Variants in TRAM1 observed in about 807,000 individuals in gnomAD.
TRAM1 encodes the protein translocating chain-associated membrane protein 1.
In TRAM1, 17 loss-of-function variants were observed where a neutral mutation model predicts 48.7. That is an observed-to-expected ratio of 0.35 (90% confidence interval 0.24 to 0.52). TRAM1 has a LOEUF of 0.52. Ranked by LOEUF, TRAM1 falls within the 20% of genes least tolerant of loss-of-function variation. TRAM1 has a pLI of 0.94. For missense variants in TRAM1, 351 were observed against 441.5 expected (o/e 0.79, Z 1.84); for synonymous variants, 182 against 154.0 (o/e 1.18, Z -1.34).
Position 70,574,910 on chromosome 8 carries a change from TAATC to T in TRAM1, c.*18_*21del, listed in dbSNP as rs1463420957. The T allele has an allele frequency of 6.7e-7, 1 of 1,502,770 alleles. No homozygotes were observed. The highest frequency in any genetic ancestry group is 9.2e-7 in the Non-Finnish European group (1 of 1,084,534). 93.1% of individuals were successfully genotyped at this position (1,502,770 alleles called of 1,614,324 possible). Reference sequence around the variant, plus strand: ...AGAAAGCAGATTTCTTTGGGGACATTAATCAATTAGTTTATAATTCATTATGAAG... The same window carrying T: ...AGAAAGCAGATTTCTTTGGGGACATTAATTAGTTTATAATTCATTATGAAG... On this transcript the variant is annotated 3_prime_UTR_variant, in exon 11 of 11. Coordinates refer to ENST00000262213, the MANE Select transcript of TRAM1 (RefSeq NM_014294.6).
At chr8:70,586,124 G>A (rs1287536803) in intron 8 of TRAM1, among the ~76,000 whole-genome samples, 1 of 151,686 alleles carries the variant, frequency 6.6e-6, no homozygotes, top group African/African-American at 2.4e-5. Flanking sequence ...TCCTTTGCAG[G>A]GACATGGATG....
rs1345872331 is a variant in TRAM1, at chr8:70,573,264, A to AT, written c.*1667dup. On this transcript the variant is annotated 3_prime_UTR_variant, in exon 11 of 11. Coordinates refer to ENST00000262213, the MANE Select transcript of TRAM1 (RefSeq NM_014294.6). ...CAGATTTATTTGGTTATGACCATCT[A>AT]TCCCCCCAGTAGTCCTCACCAATAT... Among the ~76,000 whole-genome samples, 1 of 152,148 alleles carries AT rather than the reference A, an allele frequency of 6.6e-6. No individual in the cohort carries two copies. Among genetic ancestry groups the AT allele is most frequent in the Non-Finnish European group, 1.5e-5 (1 of 68,026 alleles).
intron 2 of TRAM1, among the ~76,000 whole-genome samples, chr8:70,599,296 C>T (rs1309051522): frequency 6.6e-6 from 1 of 152,058 alleles, no homozygotes; most frequent in African/African-American, 2.4e-5. Context: ...ACAGCAACAA[C>T]AACAAAAAAC....
intron 10 of TRAM1, among the ~76,000 whole-genome samples, chr8:70,579,979 C>G (rs934863078): frequency 2.6e-5 from 4 of 151,996 alleles, no homozygotes; most frequent in Admixed American, 6.6e-5. Context: ...GGCACTACTA[C>G]GTAACAAATA....
intron 8 of TRAM1, among the ~76,000 whole-genome samples, chr8:70,585,328 A>G (rs370120100): frequency 6.6e-6 from 1 of 152,162 alleles, no homozygotes; most frequent in Non-Finnish European, 1.5e-5. Flanking sequence ...AAACCCTAGA[A>G]GAAAACCTAG....
chr8:70,606,957 T>C (rs1817733269), intron 1 of TRAM1: 19 of 981,108 alleles, frequency 1.9e-5, no homozygotes, highest in Admixed American at 6.2e-5. Context: ...AGCACTCCTA[T>C]GTCCCAGGCA....
chr8:70,579,415 T>C (rs1256291687), intron 10 of TRAM1, among the ~76,000 whole-genome samples: 1 of 152,242 alleles, frequency 6.6e-6, no homozygotes, highest in Non-Finnish European at 1.5e-5. Flanking sequence ...TGTACAGCTG[T>C]TGACTGAAAT....
chr8:70,598,077 C>A lies in TRAM1; in HGVS notation c.309+57G>T, dbSNP rs1275287544. 5.1e-6 allele frequency: 8 copies of A among 1,556,150 alleles called. No homozygotes were observed. The Admixed American group carries it at 5.4e-5, about 10-fold the overall frequency. Reference sequence around the variant, plus strand: ...TAAATTATATTTAATATATGACTAGCAGATTATGGAGAGCTAGTACTTTAT... The same window carrying A: ...TAAATTATATTTAATATATGACTAGAAGATTATGGAGAGCTAGTACTTTAT... On this transcript the variant is annotated intron_variant, in intron 3 of 10. Transcript: ENST00000262213.
chr8:70,588,015 G>A (rs996623811), intron 6 of TRAM1, among the ~76,000 whole-genome samples: 1 of 152,068 alleles, frequency 6.6e-6, no homozygotes, highest in Admixed American at 6.6e-5. Context: ...CCAGGAGTTC[G>A]AGATCAACCT....
At chr8:70,575,051 G>T in intron 10 of TRAM1, 46 bp from the exon 11 acceptor site, 1 of 1,364,848 alleles carries the variant, frequency 7.3e-7, no homozygotes. Flanking sequence ...ATAAATAAAT[G>T]CAAGTTATAA....
chr8:70,603,345 C>T (rs1817649928), intron 1 of TRAM1, among the ~76,000 whole-genome samples: 1 of 151,330 alleles, frequency 6.6e-6, no homozygotes, highest in South Asian at 2.1e-4. Flanking sequence ...ATCTGTTTTA[C>T]ACACAAACAC....
At chr8:70,584,433 G>T (rs1037892971) in intron 8 of TRAM1, among the ~76,000 whole-genome samples, 1 of 152,088 alleles carries the variant, frequency 6.6e-6, no homozygotes, top group Non-Finnish European at 1.5e-5. Flanking sequence ...TTCTGGCCAG[G>T]GCAATTAGGC....
At position 70,608,316 on chromosome 8, in the gene TRAM1, C is replaced by A. The variant is rs1324654033; in HGVS notation, c.-117G>T. 14 of 1,355,306 alleles carry A rather than the reference C, an allele frequency of 1.0e-5. No individual in the cohort carries two copies. The highest frequency in any genetic ancestry group is 3.1e-5 in the South Asian group (2 of 65,548). The allele number at this position is 1,355,306 out of a possible 1,614,324, so 84.0% of individuals were successfully genotyped here. ...TCCTCACGGCCCCGCTGCAGCCGCT[C>A]GCTGGGGCTTCACTTCCCATCCCAC... On this transcript the variant is annotated 5_prime_UTR_variant, in exon 1 of 11. Coordinates refer to ENST00000262213, the MANE Select transcript of TRAM1 (RefSeq NM_014294.6).
At chr8:70,582,976 T>A (rs1342477392) in intron 10 of TRAM1, among the ~76,000 whole-genome samples, 188 bp downstream of exon 10, 1 of 152,226 alleles carries the variant, frequency 6.6e-6, no homozygotes, top group Non-Finnish European at 1.5e-5. Context: ...GGGGAGTAAC[T>A]GAGTTTCCTC....
chr8:70,599,832 T>A (rs980211360), intron 2 of TRAM1, among the ~76,000 whole-genome samples, 187 bp downstream of exon 2: 2 of 152,190 alleles, frequency 1.3e-5, no homozygotes, highest in African/African-American at 4.8e-5. Flanking sequence ...ACAGAAAACA[T>A]ATACAGGGTA....
At chr8:70,576,381 C>T (rs180951659) in intron 10 of TRAM1, among the ~76,000 whole-genome samples, 59 of 152,200 alleles carry the variant, frequency 3.9e-4, no homozygotes, top group Admixed American at 8.5e-4. Context: ...AAAAGGCTTA[C>T]GTTACTAACA....
At chr8:70,591,385 A>T (rs1274597627) in intron 6 of TRAM1, among the ~76,000 whole-genome samples, 2 of 152,170 alleles carry the variant, frequency 1.3e-5, no homozygotes, top group African/African-American at 4.8e-5. Flanking sequence ...TACAGCCCCG[A>T]TGGCACGGTG....
chr8:70,607,426 CA>C (rs1377962974), intron 1 of TRAM1: 2 of 985,342 alleles, frequency 2.0e-6, no homozygotes, highest in African/African-American at 1.7e-5. Flanking sequence ...GTTTAAAAGA[CA>C]AAAATGAAAA....
intron 10 of TRAM1, 71 bp from the exon 11 acceptor site, chr8:70,575,076 G>C: frequency 9.2e-7 from 1 of 1,089,904 alleles, no homozygotes; most frequent in South Asian, 1.5e-5. Flanking sequence ...TATATGTAAA[G>C]ATACCTTCAG....
Sources: gnomAD v4.1 joint callset for allele counts (sites outside exome capture counted in the v4.1 genomes callset) on GRCh38, gnomAD v4.1.1 for gene constraint, MANE v1.5 for transcripts, NCBI Gene and HGNC (gene_info 2026-07-23, HGNC 2026-07-21) for gene names.